TUSC3: variants seen among roughly 807,000 people sequenced by gnomAD.
TUSC3 encodes tumor suppressor candidate 3.
A neutral mutation model predicts 44.8 loss-of-function variants in TUSC3; 45 were observed. That is an observed-to-expected ratio of 1.00 (90% CI 0.79 to 1.29). The LOEUF (loss-of-function observed/expected upper bound fraction) is 1.29, where lower values mean the gene tolerates loss of function less well. Among genes scored for constraint, TUSC3 ranks in the 50% most tolerant of loss-of-function variants. The pLI is 0.00. For missense variants in TUSC3, 519 were observed against 437.9 expected (o/e 1.19, Z -1.65); for synonymous variants, 212 against 152.9 (o/e 1.39, Z -2.85).
intron 1 of TUSC3, among the ~76,000 whole-genome samples, chr8:15,462,648 G>A (rs1335810024): frequency 2.0e-5 from 3 of 152,064 alleles, no homozygotes; most frequent in South Asian, 4.1e-4. Flanking sequence ...TATAGACATG[G>A]CAAAAAGTTG....
chr8:15,662,029 T>G, intron 4 of TUSC3, 127 bp from the exon 5 acceptor site: 1 of 991,924 alleles, frequency 1.0e-6, no homozygotes, highest in Non-Finnish European at 1.5e-6. Context: ...AGTGCTAGTG[T>G]CACGTATGAA....
intron 1 of TUSC3, among the ~76,000 whole-genome samples, chr8:15,573,228 A>ATATATATATT (rs1802959134): frequency 8.2e-6 from 1 of 122,070 alleles, no homozygotes; most frequent in Admixed American, 8.0e-5. Context: ...ATATATATAT[A>ATATATATATT]TAAAAGTTTT....
chr8:15,806,613 C>A, the TUSC3 span: 3 of 1,441,404 alleles, frequency 2.1e-6, no homozygotes, highest in Non-Finnish European at 2.9e-6. Flanking sequence ...TGATCATCTT[C>A]TTCAGATCTT....
intron 1 of TUSC3, among the ~76,000 whole-genome samples, chr8:15,433,074 T>G (rs73189474): frequency 0.15 from 22,174 of 152,200 alleles, 1,727 homozygotes; most frequent in Middle Eastern, 0.22. Flanking sequence ...CATGACCCAA[T>G]CTCCAAATAA....
At chr8:15,598,060 T>G (rs548274350) in intron 1 of TUSC3, among the ~76,000 whole-genome samples, 1 of 152,136 alleles carries the variant, frequency 6.6e-6, no homozygotes, top group South Asian at 2.1e-4. Context: ...AATAAATGCT[T>G]TGAGAATCAA....
intron 7 of TUSC3, among the ~76,000 whole-genome samples, chr8:15,734,022 G>T (rs554235818): frequency 6.6e-6 from 1 of 152,154 alleles, no homozygotes; most frequent in Non-Finnish European, 1.5e-5. Flanking sequence ...GAATCTGGGC[G>T]ATAGAGTGAG....
intron 1 of TUSC3, among the ~76,000 whole-genome samples, chr8:15,480,962 G>T (rs1344199573): frequency 6.6e-6 from 1 of 151,968 alleles, no homozygotes; most frequent in Non-Finnish European, 1.5e-5. Context: ...TTAAGAAGTG[G>T]GGCCTTCAGG....
chr8:15,696,381 T>A (rs1056401624), intron 6 of TUSC3, among the ~76,000 whole-genome samples: 1 of 152,096 alleles, frequency 6.6e-6, no homozygotes, highest in African/African-American at 2.4e-5. Context: ...GGAACCTCTG[T>A]ATAGATTTCA....
chr8:15,436,100 G>A (rs533930233), intron 1 of TUSC3, among the ~76,000 whole-genome samples: 4 of 152,236 alleles, frequency 2.6e-5, no homozygotes, highest in Admixed American at 6.5e-5. Flanking sequence ...GTTAGCCATG[G>A]ACTGGGGTCC....
At chr8:15,661,595 G>C (rs1807429830) in intron 4 of TUSC3, among the ~76,000 whole-genome samples, 1 of 151,852 alleles carries the variant, frequency 6.6e-6, no homozygotes, top group Non-Finnish European at 1.5e-5. Flanking sequence ...ATCTGATCAA[G>C]ATGTTTCCCA....
At chr8:15,417,615 G>T (rs73665404) in intron 1 of TUSC3, among the ~76,000 whole-genome samples, 2,014 of 152,338 alleles carry the variant, frequency 0.013, 39 homozygotes, top group African/African-American at 0.046. Context: ...ACGTTGTAAA[G>T]AAGGAGTTAG....
chr8:15,552,858 A>G (rs1460264166), intron 1 of TUSC3, among the ~76,000 whole-genome samples: 1 of 151,706 alleles, frequency 6.6e-6, no homozygotes, highest in African/African-American at 2.4e-5. Flanking sequence ...GTGGGGATGC[A>G]AGACTGGAGA....
At chr8:15,420,806 C>T (rs935237149) in intron 1 of TUSC3, among the ~76,000 whole-genome samples, 5 of 152,088 alleles carry the variant, frequency 3.3e-5, no homozygotes, top group Non-Finnish European at 5.9e-5. Context: ...TCACCCCACG[C>T]TCCTTTGTCT....
chr8:15,736,427 A>G (rs1050401392), intron 7 of TUSC3, among the ~76,000 whole-genome samples: 2 of 152,188 alleles, frequency 1.3e-5, no homozygotes, highest in Non-Finnish European at 2.9e-5. Context: ...TTGTGTTTAA[A>G]ACTCTTTATA....
the TUSC3 span, among the ~76,000 whole-genome samples, chr8:15,813,389 C>CAAAA: frequency 6.4e-4 from 93 of 145,172 alleles, 1 homozygote; most frequent in African/African-American, 1.7e-3. Flanking sequence ...AACAAACAAA[C>CAAAA]AAAAAAAAAA....
intron 2 of TUSC3, among the ~76,000 whole-genome samples, chr8:15,633,173 T>C (rs901754262): frequency 3.3e-5 from 5 of 152,152 alleles, no homozygotes; most frequent in Non-Finnish European, 5.9e-5. Flanking sequence ...AGCAGAGCAT[T>C]ACGTGTTTTC....
intron 1 of TUSC3, among the ~76,000 whole-genome samples, chr8:15,446,415 C>T (rs906238952): frequency 3.9e-5 from 6 of 152,016 alleles, no homozygotes; most frequent in African/African-American, 1.4e-4. Flanking sequence ...GAGATCACGC[C>T]ACTGCACTCC....
the TUSC3 span, among the ~76,000 whole-genome samples, chr8:15,833,120 A>G: frequency 6.6e-6 from 1 of 152,200 alleles, no homozygotes; most frequent in Non-Finnish European, 1.5e-5. Context: ...GCTCAACATC[A>G]CTGATCATTA....
the TUSC3 span, among the ~76,000 whole-genome samples, chr8:15,839,252 T>C: frequency 1.3e-5 from 2 of 152,268 alleles, no homozygotes; most frequent in African/African-American, 4.8e-5. Context: ...CTTAAGGAGA[T>C]TTTGGGCTGA....
Sources: gnomAD v4.1 joint callset for allele counts (sites outside exome capture counted in the v4.1 genomes callset) on GRCh38, gnomAD v4.1.1 for gene constraint, MANE v1.5 for transcripts, NCBI Gene and HGNC (gene_info 2026-07-23, HGNC 2026-07-21) for gene names.